Variants in CABIN1 observed in about 807,000 individuals in gnomAD.
CABIN1 encodes the protein calcineurin binding protein 1, also known as calcineurin-binding protein cabin-1.
CABIN1 carries 133 observed loss-of-function variants against 227.7 expected under a neutral mutation model. The ratio of observed to expected loss-of-function variants is 0.58; its 90% CI spans 0.51 to 0.67. The LOEUF (loss-of-function observed/expected upper bound fraction) is 0.67, where lower values mean the gene tolerates loss of function less well. Ranked by LOEUF, CABIN1 falls within the 30% of genes least tolerant of loss-of-function variation. The probability of loss-of-function intolerance (pLI) is 0.00; values close to 1 mark genes in which losing one functional copy is unlikely to be tolerated. For synonymous variants in CABIN1, 1,086 were observed against 1,155.1 expected (o/e 0.94, Z 1.21); for missense variants, 2,408 against 2,852.5 (o/e 0.84, Z 3.55).
chr22:24,015,593 C>T (rs910519690), intron 1 of CABIN1, among the ~76,000 whole-genome samples: 9 of 151,814 alleles, frequency 5.9e-5, no homozygotes, highest in Admixed American at 5.9e-4. Context: ...ATCCGCCCGC[C>T]TCAGCCTCCC....
At chr22:24,108,520 C>T (rs939242952) in intron 26 of CABIN1, among the ~76,000 whole-genome samples, 1 of 152,218 alleles carries the variant, frequency 6.6e-6, no homozygotes, top group African/African-American at 2.4e-5. Flanking sequence ...GGTCTGTGCT[C>T]CTCCACTCAG....
At chr22:24,092,810 A>G (rs1321085755) in intron 24 of CABIN1, among the ~76,000 whole-genome samples, 1 of 151,710 alleles carries the variant, frequency 6.6e-6, no homozygotes, top group Non-Finnish European at 1.5e-5. Flanking sequence ...CATAATCCCT[A>G]AGAGTTTGCT....
At chr22:24,134,229 G>A in intron 28 of CABIN1, 73 bp from the exon 29 acceptor site, 2 of 1,061,956 alleles carry the variant, frequency 1.9e-6, no homozygotes, top group Non-Finnish European at 2.9e-6. Context: ...GGAAGGAGGG[G>A]ACCGCCTGCC....
intron 1 of CABIN1, among the ~76,000 whole-genome samples, chr22:24,012,769 G>T (rs908462560): frequency 4.6e-5 from 7 of 151,850 alleles, no homozygotes; most frequent in South Asian, 2.1e-4. Context: ...TAGCTTTTGT[G>T]TGTGTGTGTG....
intron 29 of CABIN1, among the ~76,000 whole-genome samples, chr22:24,156,863 A>G (rs1602399456): frequency 6.6e-6 from 1 of 151,384 alleles, no homozygotes; most frequent in Admixed American, 6.6e-5. Context: ...CGGGAGGGGG[A>G]AGGGAGGAAC....
chr22:24,038,079 A>G (rs969502052), intron 3 of CABIN1, among the ~76,000 whole-genome samples: 23 of 152,158 alleles, frequency 1.5e-4, no homozygotes, highest in African/African-American at 5.3e-4. Flanking sequence ...GATGTTGTTC[A>G]CCAACTTAGC....
At position 24,177,429 on chromosome 22, in the gene CABIN1, C is replaced by G; in HGVS notation, c.6206-75C>G. 7.9e-7 allele frequency: 1 copy of G among 1,272,784 alleles called. No homozygotes were observed. The allele number at this position is 1,272,784 out of a possible 1,614,324, so 78.8% of individuals were successfully genotyped here. On this transcript the variant is annotated intron_variant, in intron 35 of 36. Coordinates refer to ENST00000263119, the MANE Select transcript of CABIN1 (RefSeq NM_012295.4). The surrounding 1 kb of genome is among the most constrained non-coding windows in gnomAD (Gnocchi z 4.4). ...ATAAAGGCCCAGGACCTGGGGGGAG[C>G]GGGTGGGGGCGAGATAAAGTGCTCA... is the stretch of plus-strand genomic sequence containing the variant.
intron 25 of CABIN1, among the ~76,000 whole-genome samples, chr22:24,096,925 CAG>C (rs981238882): frequency 7.2e-5 from 11 of 152,242 alleles, no homozygotes; most frequent in Non-Finnish European, 1.0e-4. Context: ...AGCTGAGTGC[CAG>C]AGAGGCCTGC....
intron 27 of CABIN1, 117 bp from the exon 28 acceptor site, chr22:24,119,250 G>C: frequency 1.1e-6 from 1 of 884,468 alleles, no homozygotes; most frequent in South Asian, 1.4e-5. Flanking sequence ...CTCAGCAAGG[G>C]CATTGATCCA....
intron 20 of CABIN1, among the ~76,000 whole-genome samples, chr22:24,084,310 C>T (rs2041003639): frequency 6.6e-6 from 1 of 151,188 alleles, no homozygotes; most frequent in Non-Finnish European, 1.5e-5. Context: ...GCCATCTCGG[C>T]TCACTGCAAC....
intron 29 of CABIN1, among the ~76,000 whole-genome samples, chr22:24,137,829 C>A (rs2044512115): frequency 6.6e-6 from 1 of 152,250 alleles, no homozygotes; most frequent in African/African-American, 2.4e-5. Context: ...GCATTTAGGG[C>A]AGCCCTTGGC....
chr22:24,177,974 G>T lies in CABIN1; in HGVS notation c.6520-79G>T. 6.2e-7 allele frequency: 1 copy of T among 1,602,436 alleles called. No homozygotes were observed. On this transcript the variant is annotated intron_variant, in intron 36 of 36. Coordinates refer to ENST00000263119, the MANE Select transcript of CABIN1 (RefSeq NM_012295.4). This position sits in a 1 kb window ranked among gnomAD's most constrained non-coding sequence, Gnocchi z 4.4. ...GGTGAGGGTGGGAGGGGGGCCTGGG[G>T]CAGGGGTGAAGGTGGCAGAGGGGCT...
chr22:24,127,641 C>T (rs1260602824), intron 28 of CABIN1, among the ~76,000 whole-genome samples: 2 of 152,080 alleles, frequency 1.3e-5, no homozygotes, highest in Admixed American at 6.6e-5. Context: ...AGCCTGGCAG[C>T]GCTAGCCCAA....
intron 26 of CABIN1, among the ~76,000 whole-genome samples, chr22:24,100,266 T>G (rs2042126307): frequency 6.6e-6 from 1 of 152,244 alleles, no homozygotes; most frequent in African/African-American, 2.4e-5. Context: ...CAGGCCTGGC[T>G]GCATAATGCT....
rs1015091001 is a variant in CABIN1, at chr22:24,164,681, G to T, written c.4910+118G>T. On this transcript the variant is annotated intron_variant, in intron 30 of 36. Coordinates refer to ENST00000263119, the MANE Select transcript of CABIN1 (RefSeq NM_012295.4). ...GTGAGGACCACTGGCTGGGAGCCTG[G>T]ACCAGCTCTTCATTCTCCTTGGGGG... 5.0e-6 allele frequency: 6 copies of T among 1,201,796 alleles called. No homozygotes were observed. The African/African-American group carries it at 9.0e-5, about 18-fold the overall frequency. 74.4% of individuals were successfully genotyped at this position (1,201,796 alleles called of 1,614,324 possible).
chr22:24,168,549 T>G (rs1245034105), intron 33 of CABIN1, 28 bp downstream of exon 33: 1 of 1,523,414 alleles, frequency 6.6e-7, no homozygotes, highest in African/African-American at 1.4e-5. Flanking sequence ...TGTGCCAGCC[T>G]CATCTTGCGG....
rs373391651 is a variant in CABIN1, at chr22:24,070,969, A to G, written c.2402A>G (p.Asp801Gly). Reference protein sequence around the residue: ...LMGIEQALSADSSGSILKVSS... With the variant: ...LMGIEQALSAGSSGSILKVSS... ...GGCATCGAGCAGGCCCTCTCTGCGG[A>G]CAGCAGTGGTAGCATCCTGAAGGTA... is the stretch of plus-strand genomic sequence containing the variant. Residue 801 changes from aspartate to glycine, a missense_variant, in exon 17 of 37, where the codon GAC becomes GGC. Transcript: ENST00000263119. 4.3e-6 allele frequency: 7 copies of G among 1,614,220 alleles called. No individual in the cohort carries two copies. The Admixed American group carries it at 5.0e-5, about 12-fold the overall frequency.
chr22:24,070,559 A>C (rs2040009963), intron 16 of CABIN1, among the ~76,000 whole-genome samples: 1 of 152,242 alleles, frequency 6.6e-6, no homozygotes, highest in Non-Finnish European at 1.5e-5. Context: ...GTTGAGGTAC[A>C]GAGGTGAAGC....
intron 29 of CABIN1, among the ~76,000 whole-genome samples, chr22:24,135,805 G>A (rs2044360222): frequency 6.6e-6 from 1 of 152,196 alleles, no homozygotes; most frequent in African/African-American, 2.4e-5. Flanking sequence ...TTTCAGGTCT[G>A]GAGGGGTGTA....
Sources: gnomAD v4.1 joint callset for allele counts (sites outside exome capture counted in the v4.1 genomes callset) on GRCh38, gnomAD v4.1.1 for gene constraint, Gnocchi (gnomAD v3.1) non-coding constraint, MANE v1.5 for transcripts, NCBI Gene and HGNC (gene_info 2026-07-23, HGNC 2026-07-21) for gene names.